The following KSR2 variants were observed in gnomAD, a reference collection of about 807,000 sequenced individuals.
KSR2 encodes kinase suppressor of ras 2.
A neutral mutation model predicts 107.8 loss-of-function variants in KSR2; 25 were observed. The observed-to-expected ratio is 0.23, with a 90% CI of 0.17 to 0.32. KSR2 has a LOEUF of 0.32. KSR2 is among the 10% of genes least tolerant of loss of function. The probability of loss-of-function intolerance (pLI) is 1.00; values close to 1 mark genes in which losing one functional copy is unlikely to be tolerated. For synonymous variants in KSR2, 480 were observed against 507.0 expected (o/e 0.95, Z 0.71); for missense variants, 887 against 1,268.9 (o/e 0.70, Z 4.57).
chr12:117,536,448 G>T (rs981700422), intron 10 of KSR2, among the ~76,000 whole-genome samples: 1 of 152,078 alleles, frequency 6.6e-6, no homozygotes, highest in African/African-American at 2.4e-5. Context: ...ATTATTATTC[G>T]ATTCTAAAAT....
At chr12:117,578,975 C>T (rs531391925) in intron 7 of KSR2, 144 bp downstream of exon 7, 1 of 672,414 alleles carries the variant, frequency 1.5e-6, no homozygotes, top group Middle Eastern at 3.9e-4. Flanking sequence ...CTTACAGGTG[C>T]ATTTCCAATC....
intron 10 of KSR2, among the ~76,000 whole-genome samples, chr12:117,535,354 C>G (rs1456182490): frequency 6.6e-6 from 1 of 152,136 alleles, no homozygotes; most frequent in African/African-American, 2.4e-5. Flanking sequence ...ATTGCCTAGT[C>G]TCATGCAGCT....
chr12:117,693,350 C>T (rs1267512396), intron 4 of KSR2, among the ~76,000 whole-genome samples: 1 of 152,134 alleles, frequency 6.6e-6, no homozygotes, highest in East Asian at 1.9e-4. Flanking sequence ...TACAATGAAC[C>T]ACCTATGGGC....
rs1196723474 is a variant in KSR2, at chr12:117,464,978, C to A, written c.*2221G>T. The A allele has an allele frequency of 6.6e-6, 1 of 152,266 alleles. No homozygotes were observed. Among genetic ancestry groups the A allele is most frequent in the Non-Finnish European group, 1.5e-5 (1 of 68,084 alleles). 9.4% of individuals were successfully genotyped at this position (152,266 alleles called of 1,614,324 possible). On this transcript the variant is annotated 3_prime_UTR_variant, in exon 20 of 20. Transcript: ENST00000339824. ...CAAGAGAGGCAAGAGTGAGAAGGTG[C>A]CAGTTCTTGTGGACATTTCAGCTGC...
Position 117,874,067 on chromosome 12 carries a change from A to G in KSR2, c.181-13636T>C, listed in dbSNP as rs536641792. On this transcript the variant is annotated intron_variant, in intron 1 of 19. Transcript: ENST00000339824. ...AAAGTATTGGCTGCAAAATGTCAGA[A>G]AAGATAAAGCTGATTCTTTCTTTAC... is the stretch of plus-strand genomic sequence containing the variant. Among the ~76,000 whole-genome samples, 4 of 152,374 alleles carry G rather than the reference A, an allele frequency of 2.6e-5. No individual in the cohort carries two copies. In the East Asian group the frequency reaches 7.7e-4, roughly 29 times the overall value.
intron 3 of KSR2, among the ~76,000 whole-genome samples, chr12:117,821,595 G>A (rs562294549): frequency 2.0e-5 from 3 of 152,204 alleles, no homozygotes; most frequent in Non-Finnish European, 4.4e-5. Context: ...GAAATCAAAG[G>A]TTATATGTGG....
intron 14 of KSR2, among the ~76,000 whole-genome samples, chr12:117,520,947 A>G (rs1412005203): frequency 1.3e-5 from 2 of 152,130 alleles, no homozygotes. Context: ...AACATCCTAC[A>G]GTCCCCACCA....
In KSR2 at chr12:117,525,211, C is replaced by T. The variant is rs1374304433; in HGVS notation, c.1860G>A (p.Glu620=). ...IEVEPTSENE[E]VHDEAEESED... ...CTGACTCTTCGGCCTCATCATGGAC[C>T]TCTTCATTCTGTGGCCGGAGTGGGA... The change falls in exon 14 of 20, where the codon GAG becomes GAA. Residue 620 remains glutamate, a synonymous_variant. Coordinates refer to ENST00000339824, the MANE Select transcript of KSR2 (RefSeq NM_173598.6). 36 of 1,595,720 alleles carry T rather than the reference C, an allele frequency of 2.3e-5. No individual in the cohort carries two copies. Among genetic ancestry groups the T allele is most frequent in the Non-Finnish European group, 3.0e-5 (35 of 1,167,612 alleles).
chr12:117,472,148 A>G (rs575618485), intron 17 of KSR2, among the ~76,000 whole-genome samples: 108 of 152,298 alleles, frequency 7.1e-4, no homozygotes, highest in African/African-American at 2.5e-3. Context: ...TTCTTACCTG[A>G]TAAATGAGAA....
At chr12:117,695,279 T>C (rs1254546828) in intron 4 of KSR2, among the ~76,000 whole-genome samples, 1 of 152,122 alleles carries the variant, frequency 6.6e-6, no homozygotes, top group Non-Finnish European at 1.5e-5. Flanking sequence ...TTTGGGAAGA[T>C]GAAGAGGGTT....
intron 14 of KSR2, among the ~76,000 whole-genome samples, chr12:117,521,936 C>T (rs532850343): frequency 2.0e-5 from 3 of 152,172 alleles, no homozygotes; most frequent in Admixed American, 2.0e-4. Context: ...TGCACAGAGC[C>T]CCTCCCTAAG....
At chr12:117,735,294 C>T (rs929521742) in intron 4 of KSR2, among the ~76,000 whole-genome samples, 1 of 152,206 alleles carries the variant, frequency 6.6e-6, no homozygotes, top group Non-Finnish European at 1.5e-5. Context: ...AATGACACCA[C>T]CCTCTAGAGT....
intron 4 of KSR2, among the ~76,000 whole-genome samples, chr12:117,680,366 T>C (rs1178876043): frequency 1.3e-5 from 2 of 152,234 alleles, no homozygotes; most frequent in African/African-American, 4.8e-5. Context: ...ACATCCATGA[T>C]TTAAATGCTC....
At chr12:117,688,368 C>T (rs1885671998) in intron 4 of KSR2, among the ~76,000 whole-genome samples, 1 of 152,170 alleles carries the variant, frequency 6.6e-6, no homozygotes, top group South Asian at 2.1e-4. Flanking sequence ...CAGAGCAAGA[C>T]CTTGTCTCAG....
intron 1 of KSR2, among the ~76,000 whole-genome samples, chr12:117,937,406 T>C (rs1456662809): frequency 2.0e-5 from 3 of 152,122 alleles, no homozygotes; most frequent in Non-Finnish European, 4.4e-5. Context: ...ATTATTATTA[T>C]TATTACTATT....
chr12:117,577,956 CAG>C (rs1323262478), intron 7 of KSR2, among the ~76,000 whole-genome samples: 1 of 152,170 alleles, frequency 6.6e-6, no homozygotes, highest in African/African-American at 2.4e-5. Context: ...GTAGCAGAGC[CAG>C]GATTTAAAAC....
At chr12:117,946,154 A>G (rs920774547) in intron 1 of KSR2, among the ~76,000 whole-genome samples, 1 of 152,314 alleles carries the variant, frequency 6.6e-6, no homozygotes, top group Non-Finnish European at 1.5e-5. Context: ...AGTCTTAACT[A>G]TTAGTAAGTA....
intron 1 of KSR2, among the ~76,000 whole-genome samples, chr12:117,863,744 C>T (rs1314706662): frequency 6.6e-6 from 1 of 152,154 alleles, no homozygotes; most frequent in Non-Finnish European, 1.5e-5. Context: ...GTCAAGATGT[C>T]AACAGGGCTG....
rs537390198 is a variant in KSR2 at position 117,613,696 on chromosome 12, A to G, written c.1172-31337T>C. On this transcript the variant is annotated intron_variant, in intron 5 of 19. Coordinates refer to ENST00000339824, the MANE Select transcript of KSR2 (RefSeq NM_173598.6). ...CATTTTCTCTCCCTTCCTCTCTTCAATGGACTATTCTTGAAGCATGGTTTC... is the reference window on the plus strand; with the variant it reads ...CATTTTCTCTCCCTTCCTCTCTTCAGTGGACTATTCTTGAAGCATGGTTTC... Among the ~76,000 whole-genome samples the G allele has an allele frequency of 3.3e-5, 5 of 152,302 alleles. No individual in the cohort carries two copies. The South Asian group carries it at 1.0e-3, about 32-fold the overall frequency.
Sources: gnomAD v4.1 joint callset for allele counts (sites outside exome capture counted in the v4.1 genomes callset) on GRCh38, gnomAD v4.1.1 for gene constraint, MANE v1.5 for transcripts, NCBI Gene and HGNC (gene_info 2026-07-23, HGNC 2026-07-21) for gene names.